Variants in RASSF5 observed in about 807,000 individuals in gnomAD.
RASSF5 encodes Ras association domain family member 5, also known as ras association domain-containing protein 5.
Under a neutral mutation model 40.5 loss-of-function variants are expected in RASSF5, and 25 were observed. The observed-to-expected ratio is 0.62, with a 90% confidence interval of 0.45 to 0.86. The LOEUF (loss-of-function observed/expected upper bound fraction) is 0.86, where lower values mean the gene tolerates loss of function less well. Among genes scored for constraint, RASSF5 ranks in the 40% least tolerant of loss-of-function variants. RASSF5 has a pLI of 0.00. For missense variants in RASSF5, 521 were observed against 572.8 expected (o/e 0.91, Z 0.92); for synonymous variants, 246 against 252.4 (o/e 0.97, Z 0.24).
chr1:206,573,247 T>G (rs1398510147), intron 2 of RASSF5, among the ~76,000 whole-genome samples: 12 of 151,974 alleles, frequency 7.9e-5, no homozygotes, highest in Admixed American at 7.2e-4. Flanking sequence ...GACTGCTTGA[T>G]TTTTTACCTT....
At chr1:206,517,163 T>C (rs1011176216) in intron 1 of RASSF5, among the ~76,000 whole-genome samples, 7 of 152,132 alleles carry the variant, frequency 4.6e-5, no homozygotes, top group African/African-American at 1.7e-4. Context: ...CTGAGGTGGA[T>C]TTCCTCTGGT....
chr1:206,585,180 T>A lies in RASSF5; in HGVS notation c.989T>A (p.Val330Glu). Residue 330 changes from valine to glutamate, a missense_variant and splice_region_variant, in exon 5 of 6, where the codon GTG (valine) becomes GAG (glutamate). Around this residue, in one of 2 missense-constraint regions of RASSF5, gnomAD observed 284 missense variants for 360.8 expected, o/e 0.79. Coordinates refer to ENST00000579436, the MANE Select transcript of RASSF5 (RefSeq NM_182663.4). ...CCCAGCACCCTCTCTTGGTTTGCAGTGCTCTTCCAGAAACTCTCCATTGCT... is the reference window on the plus strand; with the variant it reads ...CCCAGCACCCTCTCTTGGTTTGCAGAGCTCTTCCAGAAACTCTCCATTGCT... ...LFKRIHKDGQVLFQKLSIADR... is the reference protein window; with the variant it reads ...LFKRIHKDGQELFQKLSIADR... 1 of 1,612,658 alleles carries A rather than the reference T, an allele frequency of 6.2e-7. No individual in the cohort carries two copies. The highest frequency in any genetic ancestry group is 1.3e-5 in the African/African-American group (1 of 75,008).
intron 2 of RASSF5, among the ~76,000 whole-genome samples, chr1:206,553,512 G>A (rs1485835365): frequency 6.6e-6 from 1 of 152,190 alleles, no homozygotes; most frequent in Non-Finnish European, 1.5e-5. Context: ...AGCGGACAAG[G>A]GAGGGAATAA....
In RASSF5 at chr1:206,513,880, G is replaced by A. The variant is rs1666682188; in HGVS notation, c.457+5821G>A. On this transcript the variant is annotated intron_variant, in intron 1 of 5. Transcript: ENST00000579436. The surrounding 1 kb of genome is among the most constrained non-coding windows in gnomAD (Gnocchi z 5.0). ...CTGGTTTAAGTGGAATAAAGTCGGG[G>A]CTTGGGAGCAGTCATGGGTTGCCCC... Among the ~76,000 whole-genome samples the A allele has an allele frequency of 6.6e-6, 1 of 152,200 alleles. No homozygotes were observed. The highest frequency in any genetic ancestry group is 1.5e-5 in the Non-Finnish European group (1 of 68,032).
At chr1:206,540,785 C>A (rs905529329) in intron 2 of RASSF5, among the ~76,000 whole-genome samples, 2 of 152,150 alleles carry the variant, frequency 1.3e-5, no homozygotes, top group Admixed American at 6.6e-5. Context: ...TGTGCTAGTG[C>A]TGTTTTCTTG....
rs1668121479 is a variant in RASSF5, at chr1:206,560,969, G to A, written c.580-22300G>A. Among the ~76,000 whole-genome samples, 1 of 152,180 alleles carries A rather than the reference G, an allele frequency of 6.6e-6. No individual in the cohort carries two copies. The highest frequency in any genetic ancestry group is 1.5e-5 in the Non-Finnish European group (1 of 68,040). On this transcript the variant is annotated intron_variant, in intron 2 of 5. Coordinates refer to ENST00000579436, the MANE Select transcript of RASSF5 (RefSeq NM_182663.4). This position sits in a 1 kb window ranked among gnomAD's most constrained non-coding sequence, Gnocchi z 5.1. ...TCAGGGATCTGACCCTGGAAGTGGG[G>A]CCAGCTTCCATTCTTATCAATTTCC...
chr1:206,566,218 C>T (rs183359585), intron 2 of RASSF5, among the ~76,000 whole-genome samples: 8 of 152,318 alleles, frequency 5.3e-5, no homozygotes, highest in Admixed American at 1.3e-4. Flanking sequence ...AGCACATGCT[C>T]ATCCCACCAC....
At chr1:206,549,505 T>A (rs782147734) in intron 2 of RASSF5, among the ~76,000 whole-genome samples, 8 of 151,880 alleles carry the variant, frequency 5.3e-5, no homozygotes, top group Non-Finnish European at 1.2e-4. Context: ...CGAGACAGAG[T>A]CTCACTAAGT....
At chr1:206,557,314 G>A in intron 2 of RASSF5, 1 of 1,251,676 alleles carries the variant, frequency 8.0e-7, no homozygotes, top group Non-Finnish European at 1.0e-6. Context: ...CGAGCCGGGC[G>A]CCCGGGGCTC....
chr1:206,540,066 G>A (rs1424941288), intron 2 of RASSF5, among the ~76,000 whole-genome samples: 1 of 152,152 alleles, frequency 6.6e-6, no homozygotes, highest in Non-Finnish European at 1.5e-5. Flanking sequence ...CATTTGTCTG[G>A]AGACATTTTT....
chr1:206,582,775 G>A (rs781925918), intron 2 of RASSF5, among the ~76,000 whole-genome samples: 19 of 152,306 alleles, frequency 1.2e-4, no homozygotes, highest in Admixed American at 4.6e-4. Flanking sequence ...TTGTCTTCCC[G>A]ATCAGTAGTA....
chr1:206,573,537 A>G (rs7527917), intron 2 of RASSF5, among the ~76,000 whole-genome samples: 71,760 of 152,106 alleles, frequency 0.47, 17,598 homozygotes, highest in Middle Eastern at 0.64. Flanking sequence ...ACTGCACTGT[A>G]ATTCCTAGGA....
chr1:206,525,354 G>A (rs1667073267), intron 1 of RASSF5, among the ~76,000 whole-genome samples: 1 of 152,144 alleles, frequency 6.6e-6, no homozygotes, highest in Non-Finnish European at 1.5e-5. Flanking sequence ...CTGGGAATGT[G>A]GCTTGGAGAA....
intron 1 of RASSF5, among the ~76,000 whole-genome samples, chr1:206,532,974 CTG>C (rs201469902): frequency 2.3e-4 from 35 of 152,058 alleles, no homozygotes; most frequent in Admixed American, 2.2e-3. Context: ...GTGTGTGCCT[CTG>C]TGTGTGTGTG....
In RASSF5 at chr1:206,518,172, C is replaced by G. The variant is rs76561288; in HGVS notation, c.457+10113C>G. Among the ~76,000 whole-genome samples, 851 of 152,228 alleles carry G rather than the reference C, an allele frequency of 5.6e-3. 7 individuals are homozygous for G. Among genetic ancestry groups the G allele is most frequent in the African/African-American group, 0.019 (797 of 41,514 alleles). ...TTTTATCTTATCAAGCTAAAAGCCC[C>G]AGGAATAGAAAGTTTTCCACTGGGG... On this transcript the variant is annotated intron_variant, in intron 1 of 5. Coordinates refer to ENST00000579436, the MANE Select transcript of RASSF5 (RefSeq NM_182663.4).
chr1:206,539,019 G>A lies in RASSF5; in HGVS notation c.579+726G>A, dbSNP rs189403728. 2.2e-3 allele frequency among the ~76,000 whole-genome samples: 337 copies of A among 152,326 alleles called. 1 individual carries two copies. Among genetic ancestry groups the A allele is most frequent in the African/African-American group, 7.7e-3 (320 of 41,570 alleles). On this transcript the variant is annotated intron_variant, in intron 2 of 5. Transcript: ENST00000579436. ...CACTGTGATGCATTTTGCAATAAAA[G>A]TATGAACCAAGTGTTTGGATATATA...
chr1:206,530,744 A>G (rs1193801946), intron 1 of RASSF5, among the ~76,000 whole-genome samples: 2 of 152,238 alleles, frequency 1.3e-5, no homozygotes, highest in African/African-American at 4.8e-5. Flanking sequence ...TACCCCTTAC[A>G]GACTCTAAGC....
At chr1:206,571,078 A>G (rs1385427339) in intron 2 of RASSF5, among the ~76,000 whole-genome samples, 1 of 152,222 alleles carries the variant, frequency 6.6e-6, no homozygotes, top group Non-Finnish European at 1.5e-5. Flanking sequence ...GTTTCCCTGC[A>G]TCCATGCCAA....
rs149350358 is a variant in RASSF5 at position 206,513,422 on chromosome 1, AC to A, written c.457+5368del. On this transcript the variant is annotated intron_variant, in intron 1 of 5. Coordinates refer to ENST00000579436, the MANE Select transcript of RASSF5 (RefSeq NM_182663.4). The surrounding 1 kb of genome is among the most constrained non-coding windows in gnomAD (Gnocchi z 5.0). ...GGTGTGCAAAGCATGCAAGCTCCCC[AC>A]CCCCAGCCCTTCTGAGGGAACCATG... Among the ~76,000 whole-genome samples the A allele has an allele frequency of 5.6e-3, 854 of 151,662 alleles. 7 individuals carry two copies. The highest frequency in any genetic ancestry group is 0.019 in the African/African-American group (800 of 41,282).
Sources: gnomAD v4.1 joint callset for allele counts (sites outside exome capture counted in the v4.1 genomes callset) on GRCh38, gnomAD v4.1.1 for gene constraint, gnomAD v4.1.1 regional missense constraint, Gnocchi (gnomAD v3.1) non-coding constraint, MANE v1.5 for transcripts, NCBI Gene and HGNC (gene_info 2026-07-23, HGNC 2026-07-21) for gene names.